SNRNP48: variants seen among roughly 807,000 people sequenced by gnomAD.
SNRNP48 encodes U11/U12 small nuclear ribonucleoprotein 48 kDa protein.
A neutral mutation model predicts 47.0 loss-of-function variants in SNRNP48; 43 were observed. That is an observed-to-expected ratio of 0.92 (90% CI 0.72 to 1.18). SNRNP48 has a LOEUF of 1.18. Among genes scored for constraint, SNRNP48 ranks in the 50% most tolerant of loss-of-function variants. The pLI, the probability that SNRNP48 is intolerant of heterozygous loss-of-function variation, is 0.00. For missense variants in SNRNP48, 396 were observed against 422.2 expected, an observed-to-expected ratio of 0.94 and a Z score of 0.54; for synonymous variants, 138 against 144.0, an observed-to-expected ratio of 0.96 and a Z score of 0.30.
At chr6:7,600,051 C>T in intron 4 of SNRNP48, 1 of 996,796 alleles carries the variant, frequency 1.0e-6, no homozygotes, top group Non-Finnish European at 1.2e-6. Context: ...TTAGGCTTAT[C>T]AAAGCTGTTT....
At chr6:7,590,700 G>A (rs1162950083) in intron 1 of SNRNP48, among the ~76,000 whole-genome samples, 1 of 152,230 alleles carries the variant, frequency 6.6e-6, no homozygotes, top group African/African-American at 2.4e-5. Context: ...ACCGGGGGCC[G>A]GGCGCGGTGG....
chr6:7,608,743 T>TATTACTGTTGAAAGTGGTGC, intron 8 of SNRNP48, 82 bp from the exon 9 acceptor site: 2 of 732,882 alleles, frequency 2.7e-6, no homozygotes, highest in Non-Finnish European at 4.2e-6. Flanking sequence ...GAAAGTGGTG[T>TATTACTGTTGAAAGTGGTGC]ATTACTGTTG....
chr6:7,599,822 G>T, intron 4 of SNRNP48: 2 of 1,182,112 alleles, frequency 1.7e-6, no homozygotes, highest in Admixed American at 3.2e-5. Flanking sequence ...TCTTGAATTG[G>T]AATTTTGGTT....
rs1024203147 is a variant in SNRNP48, at chr6:7,610,424, G to A, written c.*1551G>A. On this transcript the variant is annotated 3_prime_UTR_variant, in exon 9 of 9. Transcript: ENST00000342415. ...AAATCCACATTTAAAAATTATAAAA[G>A]CAAGGACTTGGGAGTGACTGATGAA... The A allele has an allele frequency of 1.3e-5, 2 of 152,266 alleles. No individual in the cohort carries two copies. The highest frequency in any genetic ancestry group is 2.9e-5 in the Non-Finnish European group (2 of 68,004). The allele number at this position is 152,266 out of a possible 1,614,324, so 9.4% of individuals were successfully genotyped here. A position where few individuals can be genotyped will look rare whatever the true frequency, so the allele number is the denominator to read the frequency against.
chr6:7,605,983 G>C (rs1192644763), intron 7 of SNRNP48, 48 bp from the exon 8 acceptor site: 1 of 1,547,356 alleles, frequency 6.5e-7, no homozygotes, highest in African/African-American at 1.4e-5. Context: ...ACGTATACTG[G>C]AGACCAGTGG....
chr6:7,591,492 A>G (rs1759817900), intron 1 of SNRNP48, among the ~76,000 whole-genome samples: 1 of 152,218 alleles, frequency 6.6e-6, no homozygotes, highest in East Asian at 1.9e-4. Flanking sequence ...CATTTAAAAT[A>G]TATTTGATTT....
intron 8 of SNRNP48, among the ~76,000 whole-genome samples, chr6:7,608,534 A>G (rs1760175141): frequency 6.6e-6 from 1 of 152,206 alleles, no homozygotes. Flanking sequence ...CAGCCTGGGC[A>G]ACAAGAGTGA....
intron 8 of SNRNP48, among the ~76,000 whole-genome samples, chr6:7,607,082 G>C (rs1760141889): frequency 6.6e-6 from 1 of 152,194 alleles, no homozygotes; most frequent in South Asian, 2.1e-4. Context: ...ACTGTGGGAG[G>C]CTGAGGCAGG....
intron 4 of SNRNP48, among the ~76,000 whole-genome samples, chr6:7,597,137 A>G (rs917003353): frequency 3.9e-5 from 6 of 152,186 alleles, no homozygotes; most frequent in African/African-American, 1.2e-4. Flanking sequence ...TTTCCCCTCC[A>G]TAATAGGTGA....
intron 8 of SNRNP48, among the ~76,000 whole-genome samples, chr6:7,607,518 G>T (rs1374157844): frequency 6.6e-6 from 1 of 152,064 alleles, no homozygotes; most frequent in Non-Finnish European, 1.5e-5. Flanking sequence ...TTTGTGTTCT[G>T]CTGCCTACCT....
At chr6:7,596,392 C>A (rs187497246) in intron 4 of SNRNP48, among the ~76,000 whole-genome samples, 1 of 152,174 alleles carries the variant, frequency 6.6e-6, no homozygotes, top group Admixed American at 6.5e-5. Context: ...CTTCTTTGAA[C>A]CTTCTGTAGG....
Position 7,601,229 on chromosome 6 carries a change from T to A in SNRNP48, c.407-107T>A. The A allele has an allele frequency of 4.9e-6, 4 of 819,306 alleles. No individual in the cohort carries two copies. In the South Asian group the frequency reaches 6.4e-5, roughly 13 times the overall value. The allele number at this position is 819,306 out of a possible 1,614,324, so 50.8% of individuals were successfully genotyped here. ...ATACTTAGGGATTATGAAAAAAGTT[T>A]GTGTTAATATTGCATTATTAAAGCA... On this transcript the variant is annotated intron_variant, in intron 4 of 8. Coordinates refer to ENST00000342415, the MANE Select transcript of SNRNP48 (RefSeq NM_152551.4).
rs77770769 is a variant in SNRNP48 at position 7,595,021 on chromosome 6, T to G, written c.332-6T>G. Reference sequence around the variant, plus strand: ...TTGTATTTATGGATTTTTTTTTTTTTGACAGATAAGGACTCACAATTCCAG... The same window carrying G: ...TTGTATTTATGGATTTTTTTTTTTTGGACAGATAAGGACTCACAATTCCAG... On this transcript the variant is annotated splice_region_variant and splice_polypyrimidine_tract_variant and intron_variant, in intron 3 of 8. Transcript: ENST00000342415. The G allele has an allele frequency of 2.5e-6, 4 of 1,580,130 alleles. No individual in the cohort carries two copies. Among genetic ancestry groups the G allele is most frequent in the South Asian group, 1.2e-5 (1 of 84,310 alleles).
At position 7,590,390 on chromosome 6, in the gene SNRNP48, C is replaced by A; in HGVS notation, c.133C>A (p.Pro45Thr). The change falls in exon 1 of 9, where the codon CCC becomes ACC. Residue 45 changes from proline (P) to threonine (T), a missense_variant. Physicochemically the swap from Pro to Thr is conservative, Grantham distance 38. Transcript: ENST00000342415. ...GGGCTGGGACCTAGATAGTCTGGAT[C>A]CCGGGGAAGAGGAGGCGGCGGAGGT... ...SLGWDLDSLD[P>T]GEEEAAEDEV... 1 of 1,344,138 alleles carries A rather than the reference C, an allele frequency of 7.4e-7. No individual in the cohort carries two copies. The highest frequency in any genetic ancestry group is 9.6e-7 in the Non-Finnish European group (1 of 1,036,446). 83.3% of individuals were successfully genotyped at this position (1,344,138 alleles called of 1,614,324 possible). A position where few individuals can be genotyped will look rare whatever the true frequency, so the allele number is the denominator to read the frequency against.
chr6:7,596,786 C>T (rs192738221), intron 4 of SNRNP48, among the ~76,000 whole-genome samples: 8 of 152,118 alleles, frequency 5.3e-5, no homozygotes, highest in Middle Eastern at 6.8e-3. Flanking sequence ...CTTTTTTGGC[C>T]TCTGCTATTG....
At chr6:7,608,433 T>C (rs1760172687) in intron 8 of SNRNP48, among the ~76,000 whole-genome samples, 1 of 152,000 alleles carries the variant, frequency 6.6e-6, no homozygotes, top group Non-Finnish European at 1.5e-5. Flanking sequence ...GGTTCGCGCC[T>C]GAAATCCAGC....
rs1475773388 is a variant in SNRNP48 at position 7,601,490 on chromosome 6, T to C, written c.561T>C (p.Asp187=). ...CTCAAATTATTGAAAATGACAGCGATCTCTTTGTAGACTTGGCTGCCAAAA... is the reference window on the plus strand; with the variant it reads ...CTCAAATTATTGAAAATGACAGCGACCTCTTTGTAGACTTGGCTGCCAAAA... ...SDSQIIENDS[D]LFVDLAAKIN... Residue 187 remains aspartate (D), a synonymous_variant, in exon 5 of 9, where the codon GAT becomes GAC. Coordinates refer to ENST00000342415, the MANE Select transcript of SNRNP48 (RefSeq NM_152551.4). 1.3e-6 allele frequency: 2 copies of C among 1,591,440 alleles called. 1 individual carries two copies. The highest frequency in any genetic ancestry group is 2.3e-5 in the South Asian group (2 of 86,112).
intron 4 of SNRNP48, among the ~76,000 whole-genome samples, chr6:7,595,479 C>G (rs1245072799): frequency 6.6e-6 from 1 of 152,174 alleles, no homozygotes; most frequent in Non-Finnish European, 1.5e-5. Context: ...AATACACAAT[C>G]ACAAGGTTTT....
At position 7,605,572 on chromosome 6, in the gene SNRNP48, CA is replaced by C; in HGVS notation, c.806+90del. 2.4e-6 allele frequency: 3 copies of C among 1,273,394 alleles called. No homozygotes were observed. In the South Asian group the frequency reaches 3.9e-5, roughly 16 times the overall value. 78.9% of individuals were successfully genotyped at this position (1,273,394 alleles called of 1,614,324 possible). A position where few individuals can be genotyped will look rare whatever the true frequency, so the allele number is the denominator to read the frequency against. Reference sequence around the variant, plus strand: ...TATAATTGTTAAATTTTAGCATTTCCAAAACCCTTGATAGCACACAGTAAAC... The same window carrying C: ...TATAATTGTTAAATTTTAGCATTTCCAAACCCTTGATAGCACACAGTAAAC... On this transcript the variant is annotated intron_variant, in intron 7 of 8. Coordinates refer to ENST00000342415, the MANE Select transcript of SNRNP48 (RefSeq NM_152551.4).
Sources: allele counts gnomAD v4.1 joint callset (sites outside exome capture counted in the v4.1 genomes callset), GRCh38; gene constraint gnomAD v4.1.1; transcripts MANE v1.5; gene names NCBI Gene and HGNC (gene_info 2026-07-23, HGNC 2026-07-21).